Variants in CLVS1 observed in about 807,000 individuals in gnomAD.
CLVS1 encodes the protein clavesin-1.
CLVS1 carries 10 observed loss-of-function variants against 33.1 expected under a neutral mutation model. The ratio of observed to expected loss-of-function variants is 0.30; its 90% CI spans 0.19 to 0.51. The LOEUF is 0.51. Among genes scored for constraint, CLVS1 ranks in the 20% least tolerant of loss-of-function variants. The pLI is 0.97. For missense variants in CLVS1, 343 were observed against 433.4 expected (o/e 0.79, Z 1.85); for synonymous variants, 163 against 166.1 (o/e 0.98, Z 0.14).
the CLVS1 span, among the ~76,000 whole-genome samples, chr8:61,004,945 AACAAAACAAG>A: frequency 4.8e-4 from 70 of 145,884 alleles, no homozygotes; most frequent in African/African-American, 1.6e-3. Context: ...TTTTGTTTAA[AACAAAACAAG>A]ACAAAACAAA....
At chr8:61,483,916 T>C (rs1301440042) in intron 5 of CLVS1, among the ~76,000 whole-genome samples, 2 of 152,216 alleles carry the variant, frequency 1.3e-5, no homozygotes, top group African/African-American at 2.4e-5. Flanking sequence ...CTGAAAACTC[T>C]CAATAAATTA....
intron 2 of CLVS1, among the ~76,000 whole-genome samples, chr8:61,244,003 C>A: frequency 6.6e-6 from 1 of 152,084 alleles, no homozygotes; most frequent in Non-Finnish European, 1.5e-5. Flanking sequence ...TATTTGTATC[C>A]CCAAATCAAT....
chr8:61,186,605 A>G (rs1416452890), intron 2 of CLVS1, among the ~76,000 whole-genome samples: 1 of 152,144 alleles, frequency 6.6e-6, no homozygotes, highest in African/African-American at 2.4e-5. Flanking sequence ...ATATACGAGA[A>G]CAATGAAGAA....
chr8:61,108,194 G>A (rs897561171), intron 1 of CLVS1, among the ~76,000 whole-genome samples: 1 of 148,908 alleles, frequency 6.7e-6, no homozygotes, highest in Non-Finnish European at 1.5e-5. Context: ...CTGCAGCCTG[G>A]GTGACAGAGC....
chr8:61,133,599 G>C (rs1007931686), intron 2 of CLVS1, among the ~76,000 whole-genome samples: 1 of 152,198 alleles, frequency 6.6e-6, no homozygotes, highest in Non-Finnish European at 1.5e-5. Context: ...ACCTTGAGGG[G>C]CTTGAGGTTG....
At chr8:61,271,690 T>C (rs1318957668) in intron 2 of CLVS1, among the ~76,000 whole-genome samples, 1 of 91,020 alleles carries the variant, frequency 1.1e-5, no homozygotes, top group Non-Finnish European at 1.9e-5. Flanking sequence ...TTTATGAATC[T>C]GGGTGCTCCT....
intron 2 of CLVS1, among the ~76,000 whole-genome samples, chr8:61,338,057 C>T (rs767375688): frequency 1.5e-4 from 23 of 152,166 alleles, no homozygotes; most frequent in Non-Finnish European, 3.1e-4. Context: ...TGATATGGAG[C>T]AGTTTCAACA....
intron 2 of CLVS1, among the ~76,000 whole-genome samples, chr8:61,224,295 T>A (rs893376900): frequency 5.9e-5 from 9 of 152,196 alleles, no homozygotes; most frequent in Non-Finnish European, 1.3e-4. Flanking sequence ...CTTTCTCAAC[T>A]TCGTGAGTTT....
intron 2 of CLVS1, among the ~76,000 whole-genome samples, chr8:61,328,506 C>A (rs1476825012): frequency 6.6e-6 from 1 of 152,062 alleles, no homozygotes; most frequent in Non-Finnish European, 1.5e-5. Context: ...CCAGCTGTCC[C>A]CTTTCACCTT....
chr8:61,398,329 G>A (rs1385857995), intron 3 of CLVS1, among the ~76,000 whole-genome samples: 1 of 151,634 alleles, frequency 6.6e-6, no homozygotes, highest in African/African-American at 2.4e-5. Flanking sequence ...CCACAGGTAT[G>A]CACCACAATG....
intron 2 of CLVS1, among the ~76,000 whole-genome samples, chr8:61,226,980 GTTTTTTTT>G (rs55718731): frequency 7.6e-6 from 1 of 132,310 alleles, no homozygotes; most frequent in Non-Finnish European, 1.6e-5. Context: ...ACGAAAACAT[GTTTTTTTT>G]TTTTTTTTTG....
At chr8:61,269,432 G>A (rs1390320646) in intron 2 of CLVS1, among the ~76,000 whole-genome samples, 1 of 151,860 alleles carries the variant, frequency 6.6e-6, no homozygotes, top group Non-Finnish European at 1.5e-5. Flanking sequence ...TTGTAGTATA[G>A]TTTGAAGTCA....
intron 3 of CLVS1, among the ~76,000 whole-genome samples, chr8:61,453,104 A>G (rs1554576650): frequency 6.7e-6 from 1 of 149,014 alleles, no homozygotes; most frequent in Non-Finnish European, 1.5e-5. Context: ...TTTTTATTAT[A>G]CTTTAAGTTT....
rs548124570 is a variant in CLVS1, at chr8:61,115,177, T to G, written c.-242-16593T>G. Among the ~76,000 whole-genome samples the G allele has an allele frequency of 2.6e-5, 4 of 152,278 alleles. No individual in the cohort carries two copies. The East Asian group carries it at 7.7e-4, about 29-fold the overall frequency. ...GTTCTGCTACTTACCACATACAACT[T>G]TGGACAAATTGCTCTAAATCATAGT... On this transcript the variant is annotated intron_variant, in intron 1 of 2. Coordinates refer to the CLVS1 transcript ENST00000522621.
At chr8:61,086,591 A>C (rs2129283558) in intron 1 of CLVS1, among the ~76,000 whole-genome samples, 1 of 152,312 alleles carries the variant, frequency 6.6e-6, no homozygotes, top group East Asian at 1.9e-4. Flanking sequence ...AAGATTATTC[A>C]GGAAATGGGT....
chr8:61,133,377 A>C (rs147273041), intron 2 of CLVS1, among the ~76,000 whole-genome samples: 1 of 152,276 alleles, frequency 6.6e-6, no homozygotes, highest in Non-Finnish European at 1.5e-5. Flanking sequence ...AGTAGCCAAG[A>C]TGACAAAGGG....
chr8:61,029,601 T>A, the CLVS1 span, among the ~76,000 whole-genome samples: 38 of 150,578 alleles, frequency 2.5e-4, no homozygotes, highest in Middle Eastern at 3.4e-3. Flanking sequence ...TTTTTTTTTT[T>A]ATTAATTTTT....
chr8:61,174,923 T>G (rs1807085031), intron 2 of CLVS1, among the ~76,000 whole-genome samples: 1 of 152,236 alleles, frequency 6.6e-6, no homozygotes. Context: ...ATTTTCTGTC[T>G]ATAAGAGCTG....
chr8:61,090,790 C>A, intron 1 of CLVS1: 1 of 485,430 alleles, frequency 2.1e-6, no homozygotes, highest in South Asian at 1.6e-5. Context: ...AAGAATTTTC[C>A]TCTAGGATGG....
Sources: allele counts gnomAD v4.1 joint callset (sites outside exome capture counted in the v4.1 genomes callset), GRCh38; gene constraint gnomAD v4.1.1; transcripts MANE v1.5; gene names NCBI Gene and HGNC (gene_info 2026-07-23, HGNC 2026-07-21).